The following FAM216A variants were observed in gnomAD, a reference collection of about 807,000 sequenced individuals.
FAM216A encodes family with sequence similarity 216 member A, also known as protein FAM216A.
Under a neutral mutation model 37.6 loss-of-function variants are expected in FAM216A, and 26 were observed. That is an observed-to-expected ratio of 0.69 (90% confidence interval 0.51 to 0.96). The LOEUF is 0.96. Among genes scored for constraint, FAM216A ranks in the 40% least tolerant of loss-of-function variants. FAM216A has a pLI of 0.00. For missense variants in FAM216A, 326 were observed against 339.3 expected, an observed-to-expected ratio of 0.96 and a Z score of 0.31; for synonymous variants, 110 against 121.7, an observed-to-expected ratio of 0.90 and a Z score of 0.64.
chr12:110,484,100 G>C (rs1247588120), intron 2 of FAM216A, among the ~76,000 whole-genome samples: 1 of 151,942 alleles, frequency 6.6e-6, no homozygotes, highest in Non-Finnish European at 1.5e-5. Flanking sequence ...GGGCGTCAGA[G>C]ATCCCATCTC....
Position 110,468,950 on chromosome 12 carries a change from C to G in FAM216A, c.75C>G (p.Ser25=), listed in dbSNP as rs755990016. 37 of 1,524,914 alleles carry G rather than the reference C, an allele frequency of 2.4e-5. No individual in the cohort carries two copies. In the Admixed American group the frequency reaches 4.6e-4, roughly 19 times the overall value. The allele number at this position is 1,524,914 out of a possible 1,614,324, so 94.5% of individuals were successfully genotyped here. A position where few individuals can be genotyped will look rare whatever the true frequency, so the allele number is the denominator to read the frequency against. ...AGATGCCCGGCCAGGGTCCGGGGTCCGACTGGACGGAGCGTAGCTCTTCTG... is the reference window on the plus strand; with the variant it reads ...AGATGCCCGGCCAGGGTCCGGGGTCGGACTGGACGGAGCGTAGCTCTTCTG... ...AAEMPGQGPG[S]DWTERSSSAE... is the part of the protein sequence containing the mutation. Residue 25 remains serine (S), a synonymous_variant, in exon 1 of 7, where the codon TCC becomes TCG. Transcript: ENST00000377673.
chr12:110,485,761 A>G (rs1462774311), intron 3 of FAM216A, among the ~76,000 whole-genome samples: 1 of 152,216 alleles, frequency 6.6e-6, no homozygotes, highest in Non-Finnish European at 1.5e-5. Context: ...CCATGTATTC[A>G]GTAAAGTAAA....
At chr12:110,479,835 TA>T (rs1050629955) in intron 2 of FAM216A, among the ~76,000 whole-genome samples, 2 of 146,604 alleles carry the variant, frequency 1.4e-5, no homozygotes, top group Non-Finnish European at 3.0e-5. Context: ...AGGCTCCATC[TA>T]AAAAAAAACC....
Position 110,468,898 on chromosome 12 carries a change from A to G in FAM216A, c.23A>G (p.His8Arg). 3.3e-6 allele frequency: 5 copies of G among 1,518,176 alleles called. No homozygotes were observed. Among genetic ancestry groups the G allele is most frequent in the Non-Finnish European group, 4.4e-6 (5 of 1,134,906 alleles). 94.0% of individuals were successfully genotyped at this position (1,518,176 alleles called of 1,614,324 possible). Residue 8 changes from histidine (H) to arginine (R), a missense_variant, in exon 1 of 7, where the codon CAC (histidine) becomes CGC (arginine). Physicochemically the swap from His to Arg is conservative, Grantham distance 29. Transcript: ENST00000377673. ...GGGATGCTGGGACAGCTGCTCCCGC[A>G]CACGGCTCGCGGTCTCGGCGCCGCG... MLGQLLP[H>R]TARGLGAAEM...
chr12:110,472,244 GA>G (rs559243637), intron 1 of FAM216A, among the ~76,000 whole-genome samples: 16,934 of 125,534 alleles, frequency 0.13, 1,132 homozygotes, highest in African/African-American at 0.23. Context: ...AAAGAAAAAA[GA>G]AAAAAAAAAA....
At chr12:110,482,499 G>A (rs2062752863) in intron 2 of FAM216A, among the ~76,000 whole-genome samples, 2 of 151,778 alleles carry the variant, frequency 1.3e-5, no homozygotes, top group African/African-American at 4.8e-5. Context: ...ATATACAATA[G>A]AAGATAACCC....
At chr12:110,469,891 A>G (rs944172794) in intron 1 of FAM216A, among the ~76,000 whole-genome samples, 5 of 152,076 alleles carry the variant, frequency 3.3e-5, no homozygotes, top group Non-Finnish European at 5.9e-5. Flanking sequence ...TTCACACTGA[A>G]GTTCCTTTTT....
In FAM216A at chr12:110,469,031, GC is replaced by G. The variant is rs1199822517; in HGVS notation, c.143+17del. The G allele has an allele frequency of 6.9e-7, 1 of 1,456,262 alleles. No homozygotes were observed. Among genetic ancestry groups the G allele is most frequent in the Non-Finnish European group, 9.0e-7 (1 of 1,105,846 alleles). The allele number at this position is 1,456,262 out of a possible 1,614,324, so 90.2% of individuals were successfully genotyped here. On this transcript the variant is annotated intron_variant, in intron 1 of 6. Transcript: ENST00000377673. ...GTGGCGGCGGCGGGTGAGGTTGGGGGCCCCGGGGTAAGGGTGGCAGCATGGG... is the reference window on the plus strand; with the variant it reads ...GTGGCGGCGGCGGGTGAGGTTGGGGGCCCGGGGTAAGGGTGGCAGCATGGG...
At chr12:110,488,453 C>G (rs1370632623) in intron 6 of FAM216A, among the ~76,000 whole-genome samples, 1 of 150,126 alleles carries the variant, frequency 6.7e-6, no homozygotes, top group Non-Finnish European at 1.5e-5. Context: ...AAAGAACATA[C>G]TGCTCAAAAG....
intron 2 of FAM216A, among the ~76,000 whole-genome samples, chr12:110,483,935 G>A (rs2062762014): frequency 6.6e-6 from 1 of 152,050 alleles, no homozygotes; most frequent in Non-Finnish European, 1.5e-5. Flanking sequence ...TAAAATTTGT[G>A]TTACTCTAGT....
chr12:110,477,491 T>A (rs1294696441), intron 2 of FAM216A, among the ~76,000 whole-genome samples: 1 of 146,420 alleles, frequency 6.8e-6, no homozygotes, highest in Non-Finnish European at 1.5e-5. Context: ...TAGCTGGGAC[T>A]ACAGGCGCCC....
intron 3 of FAM216A, 158 bp from the exon 4 acceptor site, chr12:110,486,167 G>A (rs748582652): frequency 1.6e-5 from 11 of 702,126 alleles, no homozygotes; most frequent in Non-Finnish European, 2.5e-5. Flanking sequence ...CTGTTTAATT[G>A]GCCATTTCTT....
At chr12:110,477,519 ATTT>A (rs1209064741) in intron 2 of FAM216A, among the ~76,000 whole-genome samples, 1 of 150,018 alleles carries the variant, frequency 6.7e-6, no homozygotes, top group African/African-American at 2.5e-5. Flanking sequence ...CGCTCGCCTA[ATTT>A]TTTTGTATTT....
chr12:110,469,180 C>T, intron 1 of FAM216A, 162 bp downstream of exon 1: 1 of 771,134 alleles, frequency 1.3e-6, no homozygotes, highest in Non-Finnish European at 1.9e-6. Flanking sequence ...TTGTTGTGGA[C>T]AGAGGGCAGA....
At chr12:110,478,209 C>G (rs2062725521) in intron 2 of FAM216A, among the ~76,000 whole-genome samples, 1 of 152,100 alleles carries the variant, frequency 6.6e-6, no homozygotes, top group Admixed American at 6.6e-5. Context: ...CCAGATTTGG[C>G]CAGTGGGAGC....
intron 2 of FAM216A, among the ~76,000 whole-genome samples, chr12:110,473,556 T>C (rs1276027995): frequency 1.3e-5 from 2 of 152,188 alleles, no homozygotes; most frequent in African/African-American, 4.8e-5. Context: ...CTTGGTGAAC[T>C]TAGTCTTTAA....
At chr12:110,488,256 C>T (rs1254909457) in intron 6 of FAM216A, among the ~76,000 whole-genome samples, 1 of 151,670 alleles carries the variant, frequency 6.6e-6, no homozygotes, top group Non-Finnish European at 1.5e-5. Context: ...ATTAAAAATA[C>T]AAAACTTAGC....
At chr12:110,476,560 T>C (rs1275595929) in intron 2 of FAM216A, among the ~76,000 whole-genome samples, 1 of 147,210 alleles carries the variant, frequency 6.8e-6, no homozygotes, top group Non-Finnish European at 1.5e-5. Flanking sequence ...GAAGTCTCAC[T>C]CTGTCGCCCA....
intron 2 of FAM216A, among the ~76,000 whole-genome samples, chr12:110,479,267 A>G (rs1440314830): frequency 6.6e-6 from 1 of 152,030 alleles, no homozygotes; most frequent in East Asian, 1.9e-4. Context: ...TTGCTTCTAG[A>G]CTTTCTCCGA....
Sources: allele counts gnomAD v4.1 joint callset (sites outside exome capture counted in the v4.1 genomes callset), GRCh38; gene constraint gnomAD v4.1.1; transcripts MANE v1.5; gene names NCBI Gene and HGNC (gene_info 2026-07-23, HGNC 2026-07-21).